Variants in RNF217 observed in about 807,000 individuals in gnomAD.
The protein encoded by RNF217 is ring finger protein 217, also known as E3 ubiquitin-protein ligase RNF217.
In RNF217, 31 loss-of-function variants were observed where a neutral mutation model predicts 57.8. The ratio of observed to expected loss-of-function variants is 0.54; its 90% confidence interval spans 0.40 to 0.72. The LOEUF (loss-of-function observed/expected upper bound fraction) is 0.72. RNF217 is among the 30% of genes least tolerant of loss of function. The pLI, the probability that RNF217 is intolerant of heterozygous loss-of-function variation, is 0.00. For synonymous variants in RNF217, 313 were observed against 294.0 expected (o/e 1.06, Z -0.66); for missense variants, 696 against 708.3 (o/e 0.98, Z 0.20).
intron 1 of RNF217, among the ~76,000 whole-genome samples, chr6:125,035,010 G>A (rs572905308): frequency 4.6e-5 from 7 of 151,902 alleles, no homozygotes; most frequent in African/African-American, 1.2e-4. Flanking sequence ...TCTGTTATTG[G>A]TGTATAAGAA....
intron 1 of RNF217, among the ~76,000 whole-genome samples, chr6:124,967,278 C>T (rs1309742222): frequency 6.6e-6 from 1 of 152,188 alleles, no homozygotes; most frequent in Non-Finnish European, 1.5e-5. Flanking sequence ...GCCTTCTCAG[C>T]TGACTTGGCC....
intron 1 of RNF217, among the ~76,000 whole-genome samples, chr6:125,028,447 G>A (rs1371299771): frequency 6.6e-6 from 1 of 152,034 alleles, no homozygotes; most frequent in Non-Finnish European, 1.5e-5. Flanking sequence ...TACACTGAGT[G>A]TATATAGTGT....
At position 124,963,039 on chromosome 6, in the gene RNF217, C is replaced by A. The variant is rs762661269; in HGVS notation, c.495C>A (p.Ser165=). ...TCGCCAAGAGACAAGTCTTCTGCTC[C>A]GTGTACTGCGTGGAGAGCGACCTGC... is the stretch of plus-strand genomic sequence containing the variant. ...PSLAKRQVFC[S]VYCVESDLPE... The change falls in exon 1 of 6, where the codon TCC becomes TCA. Residue 165 remains serine (S), a synonymous_variant. Coordinates refer to ENST00000521654, the MANE Select transcript of RNF217 (RefSeq NM_001286398.3). 1.0e-5 allele frequency: 16 copies of A among 1,586,356 alleles called. No individual in the cohort carries two copies. The highest frequency in any genetic ancestry group is 1.4e-5 in the Non-Finnish European group (16 of 1,174,478).
intron 3 of RNF217, among the ~76,000 whole-genome samples, chr6:125,074,334 T>C (rs1562496665): frequency 6.7e-6 from 1 of 150,032 alleles, no homozygotes; most frequent in Non-Finnish European, 1.5e-5. Flanking sequence ...GATAGATAGA[T>C]AGATAGATAG....
intron 2 of RNF217, among the ~76,000 whole-genome samples, chr6:125,047,932 C>A (rs948722767): frequency 1.3e-5 from 2 of 152,050 alleles, no homozygotes; most frequent in Non-Finnish European, 2.9e-5. Context: ...TGTTACTCTT[C>A]TTTACTAGTG....
In RNF217 at chr6:125,090,398, A is replaced by G. The variant is rs560478230; in HGVS notation, c.*7461A>G. On this transcript the variant is annotated 3_prime_UTR_variant, in exon 6 of 6. Transcript: ENST00000521654. ...CTATTTTAAACAAAATTGTAAGGCA[A>G]TTTTATGAAACAAACATTTATATCA... is the stretch of plus-strand genomic sequence containing the variant. The G allele has an allele frequency of 1.3e-5, 2 of 152,148 alleles. No homozygotes were observed. The highest frequency in any genetic ancestry group is 2.1e-4 in the South Asian group (1 of 4,822). 9.4% of individuals were successfully genotyped at this position (152,148 alleles called of 1,614,324 possible).
At chr6:125,017,562 A>G (rs1785658185) in intron 1 of RNF217, among the ~76,000 whole-genome samples, 1 of 152,226 alleles carries the variant, frequency 6.6e-6, no homozygotes, top group South Asian at 2.1e-4. Flanking sequence ...AGACTTCTGT[A>G]TAGATAATCT....
chr6:125,040,932 T>A (rs1246451651), intron 1 of RNF217, among the ~76,000 whole-genome samples: 1 of 152,138 alleles, frequency 6.6e-6, no homozygotes, highest in East Asian at 1.9e-4. Context: ...TAGGTATTGA[T>A]GGAATATATC....
chr6:125,020,935 T>A (rs142844401), intron 1 of RNF217, among the ~76,000 whole-genome samples: 2 of 152,350 alleles, frequency 1.3e-5, no homozygotes, highest in East Asian at 3.9e-4. Context: ...TTCATTTGTA[T>A]GCTTATTTTT....
In RNF217 at chr6:125,088,001, A is replaced by C. The variant is rs1202251241; in HGVS notation, c.*5064A>C. ...ATACTGTCCCCCTAATATGGAAAAT[A>C]AGTTACAAAATTCTTTTTTTTTTTT... is the stretch of plus-strand genomic sequence containing the variant. On this transcript the variant is annotated 3_prime_UTR_variant, in exon 6 of 6. Coordinates refer to ENST00000521654, the MANE Select transcript of RNF217 (RefSeq NM_001286398.3). The C allele has an allele frequency of 1.3e-5, 2 of 150,002 alleles. No homozygotes were observed. Among genetic ancestry groups the C allele is most frequent in the East Asian group, 3.9e-4 (2 of 5,122 alleles). 9.3% of individuals were successfully genotyped at this position (150,002 alleles called of 1,614,324 possible). A position where few individuals can be genotyped will look rare whatever the true frequency, so the allele number is the denominator to read the frequency against.
Position 124,976,750 on chromosome 6 carries a change from C to A in RNF217, c.882+13324C>A, listed in dbSNP as rs183375586. Among the ~76,000 whole-genome samples the A allele has an allele frequency of 4.1e-3, 626 of 152,254 alleles. 6 individuals carry two copies. The highest frequency in any genetic ancestry group is 0.014 in the African/African-American group (598 of 41,554). ...GAACTCCTGGCCTCAAGTGATCCAC[C>A]TGCCTGGGCCTCCCAAAGTGCTGGG... On this transcript the variant is annotated intron_variant, in intron 1 of 5. Coordinates refer to ENST00000521654, the MANE Select transcript of RNF217 (RefSeq NM_001286398.3).
chr6:125,013,629 T>C (rs1785503118), intron 1 of RNF217, among the ~76,000 whole-genome samples: 1 of 152,002 alleles, frequency 6.6e-6, no homozygotes, highest in African/African-American at 2.4e-5. Flanking sequence ...AGCTACCATA[T>C]CTAATTCATG....
intron 1 of RNF217, among the ~76,000 whole-genome samples, chr6:124,972,707 C>G (rs1394786608): frequency 6.6e-6 from 1 of 152,116 alleles, no homozygotes; most frequent in African/African-American, 2.4e-5. Context: ...CCTTGCTGCC[C>G]TAACTCTCTT....
intron 3 of RNF217, among the ~76,000 whole-genome samples, chr6:125,059,578 G>T (rs1025786833): frequency 6.6e-6 from 1 of 152,128 alleles, no homozygotes; most frequent in South Asian, 2.1e-4. Context: ...TCTACAACTG[G>T]ATTTGGAATG....
chr6:124,969,187 A>G lies in RNF217; in HGVS notation c.882+5761A>G, dbSNP rs547669778. Among the ~76,000 whole-genome samples the G allele has an allele frequency of 8.5e-5, 13 of 152,306 alleles. No homozygotes were observed. In the South Asian group the frequency reaches 2.5e-3, roughly 29 times the overall value. ...ATGTTTAATCCAAAGTTATAAATCT[A>G]TTACTTATTTCTTAATATAAATATT... On this transcript the variant is annotated intron_variant, in intron 1 of 5. Transcript: ENST00000521654.
intron 1 of RNF217, among the ~76,000 whole-genome samples, chr6:124,977,671 C>T (rs1784015895): frequency 6.6e-6 from 1 of 152,172 alleles, no homozygotes; most frequent in Admixed American, 6.5e-5. Flanking sequence ...GCAGTCTCCT[C>T]ACAGCCTCAT....
intron 3 of RNF217, among the ~76,000 whole-genome samples, chr6:125,063,465 T>C (rs1374678176): frequency 1.3e-5 from 2 of 152,168 alleles, no homozygotes; most frequent in African/African-American, 2.4e-5. Flanking sequence ...CAAAGTACCT[T>C]TGTCCGGTGC....
intron 1 of RNF217, among the ~76,000 whole-genome samples, chr6:124,969,676 A>C (rs1783688616): frequency 1.3e-5 from 2 of 152,194 alleles, no homozygotes; most frequent in South Asian, 4.1e-4. Flanking sequence ...GCACTGTTTT[A>C]GGCTCTGGGG....
In RNF217 at chr6:124,982,042, A is replaced by T. The variant is rs1784192535; in HGVS notation, c.882+18616A>T. Among the ~76,000 whole-genome samples the T allele has an allele frequency of 7.3e-5, 11 of 150,648 alleles. No individual in the cohort carries two copies. The South Asian group carries it at 2.3e-3, about 32-fold the overall frequency. On this transcript the variant is annotated intron_variant, in intron 1 of 5. Coordinates refer to ENST00000521654, the MANE Select transcript of RNF217 (RefSeq NM_001286398.3). ...ACTCTGTCTCAAAAAAAAAAAAAAA[A>T]AAAAAGATCTTGAGGCCCACAAGGA...
Sources: allele counts gnomAD v4.1 joint callset (sites outside exome capture counted in the v4.1 genomes callset), GRCh38; gene constraint gnomAD v4.1.1; transcripts MANE v1.5; gene names NCBI Gene and HGNC (gene_info 2026-07-23, HGNC 2026-07-21).